Variants in RBM26 observed in about 807,000 individuals in gnomAD.
RBM26 encodes the protein RNA binding motif protein 26.
RBM26 carries 30 observed loss-of-function variants against 123.6 expected under a neutral mutation model. The ratio of observed to expected loss-of-function variants is 0.24; its 90% CI spans 0.18 to 0.33. The LOEUF is 0.33. RBM26 is among the 10% of genes least tolerant of loss of function. The pLI is 1.00. For synonymous variants in RBM26, 400 were observed against 404.4 expected (o/e 0.99, Z 0.13); for missense variants, 947 against 1,203.6 (o/e 0.79, Z 3.15).
intron 20 of RBM26, among the ~76,000 whole-genome samples, chr13:79,324,177 A>T (rs1435117049): frequency 6.6e-6 from 1 of 151,764 alleles, no homozygotes. Context: ...TTCGGAGTTA[A>T]ATCCTACATA....
chr13:79,382,756 C>G (rs552072370), intron 1 of RBM26, among the ~76,000 whole-genome samples: 4 of 152,232 alleles, frequency 2.6e-5, no homozygotes, highest in South Asian at 2.1e-4. Flanking sequence ...AAACAGAAAA[C>G]TGAGAACTAG....
chr13:79,343,304 T>C (rs1317195203), intron 16 of RBM26, among the ~76,000 whole-genome samples: 2 of 151,862 alleles, frequency 1.3e-5, no homozygotes, highest in Non-Finnish European at 3.0e-5. Context: ...TTAATTACTT[T>C]TTCACCTGAG....
rs776345304 is a variant in RBM26 at position 79,367,406 on chromosome 13, C to CAAAAAAAAAAAA, written c.896-546_896-535dup. ...TGGGGTATAGGGGGAGACTCCATCTCAAAAAAAAAAAAAAAAAAAAAAAAA... is the reference window on the plus strand; with the variant it reads ...TGGGGTATAGGGGGAGACTCCATCTCAAAAAAAAAAAAAAAAAAAAAAAAAAAAAAAAAAAAA... On this transcript the variant is annotated intron_variant, in intron 6 of 21. Transcript: ENST00000438737. 7.1e-4 allele frequency among the ~76,000 whole-genome samples: 28 copies of CAAAAAAAAAAAA among 39,656 alleles called. 4 individuals are homozygous for CAAAAAAAAAAAA. Among genetic ancestry groups the CAAAAAAAAAAAA allele is most frequent in the Non-Finnish European group, 1.7e-3 (26 of 15,648 alleles). 26.0% of individuals were successfully genotyped at this position (39,656 alleles called of 152,430 possible). A position where few individuals can be genotyped will look rare whatever the true frequency, so the allele number is the denominator to read the frequency against.
intron 2 of RBM26, among the ~76,000 whole-genome samples, chr13:79,377,889 T>C (rs537555074): frequency 2.6e-4 from 39 of 151,612 alleles, no homozygotes; most frequent in African/African-American, 6.8e-4. Flanking sequence ...GATCACGCCA[T>C]TGCACTCCCG....
chr13:79,400,935 G>A (rs941712609), intron 1 of RBM26, among the ~76,000 whole-genome samples: 2 of 152,200 alleles, frequency 1.3e-5, no homozygotes, highest in African/African-American at 4.8e-5. Flanking sequence ...ACTACTTCAA[G>A]ATTTACCAGC....
At chr13:79,398,654 A>G (rs922340318) in intron 1 of RBM26, among the ~76,000 whole-genome samples, 3 of 152,204 alleles carry the variant, frequency 2.0e-5, no homozygotes, top group Non-Finnish European at 4.4e-5. Context: ...GCAACATTCA[A>G]TAATACTTTA....
At chr13:79,401,504 TG>T (rs994984099) in intron 1 of RBM26, among the ~76,000 whole-genome samples, 23 of 152,064 alleles carry the variant, frequency 1.5e-4, no homozygotes, top group African/African-American at 5.6e-4. Flanking sequence ...ACCTGCAAAA[TG>T]GAGAGATAAC....
intron 2 of RBM26, among the ~76,000 whole-genome samples, chr13:79,377,967 C>T (rs115604187): frequency 2.0e-5 from 3 of 152,028 alleles, no homozygotes; most frequent in African/African-American, 7.2e-5. Context: ...ATCCTAATAT[C>T]AACAGCTTCC....
downstream of RBM26, chr13:79,314,731 A>T (rs2067003579): frequency 4.8e-6 from 1 of 206,758 alleles, no homozygotes; most frequent in East Asian, 1.3e-4. Flanking sequence ...GTGTTTAAAA[A>T]ATAAATGGCT....
At chr13:79,344,411 G>A in intron 15 of RBM26, 89 bp from the exon 16 acceptor site, 1 of 1,041,288 alleles carries the variant, frequency 9.6e-7, no homozygotes, top group Non-Finnish European at 1.5e-6. Flanking sequence ...AACTGCAGAA[G>A]TCTGTCAACA....
chr13:79,366,530 T>G, intron 7 of RBM26, 103 bp downstream of exon 7: 1 of 1,204,942 alleles, frequency 8.3e-7, no homozygotes, highest in Non-Finnish European at 1.1e-6. Context: ...TATCAGGCAT[T>G]TTTGGGATTC....
chr13:79,353,875 C>CAA (rs2073622503), intron 13 of RBM26, among the ~76,000 whole-genome samples: 2 of 151,996 alleles, frequency 1.3e-5, no homozygotes, highest in African/African-American at 4.8e-5. Flanking sequence ...AACTGCCACT[C>CAA]AAGTGTTGAA....
At chr13:79,314,791 A>C (rs1400099801), downstream of RBM26, 1 of 300,454 alleles carries the variant, frequency 3.3e-6, no homozygotes, top group East Asian at 9.2e-5. Flanking sequence ...GCACACATTC[A>C]GATACACTTT....
At chr13:79,380,073 A>G (rs2076962146) in intron 1 of RBM26, among the ~76,000 whole-genome samples, 1 of 152,202 alleles carries the variant, frequency 6.6e-6, no homozygotes, top group South Asian at 2.1e-4. Flanking sequence ...TGGTAGTATC[A>G]AGGTCACAAA....
intron 16 of RBM26, among the ~76,000 whole-genome samples, chr13:79,343,489 A>C (rs2071775168): frequency 6.6e-6 from 1 of 151,942 alleles, no homozygotes; most frequent in African/African-American, 2.4e-5. Flanking sequence ...GAAAAGACAC[A>C]CATTTCAAAT....
Position 79,368,723 on chromosome 13 carries a change from G to T in RBM26, c.895+7C>A. 6.2e-7 allele frequency: 1 copy of T among 1,610,942 alleles called. No homozygotes were observed. Among genetic ancestry groups the T allele is most frequent in the Non-Finnish European group, 8.5e-7 (1 of 1,177,682 alleles). The stretch of plus-strand genomic sequence containing the variant: ...TAAATACTTTATCAAACAGCTGAAA[G>T]ACTTACCATCATAGTCTCTACACCG... On this transcript the variant is annotated splice_region_variant and intron_variant, in intron 6 of 21. Transcript: ENST00000438737.
intron 20 of RBM26, among the ~76,000 whole-genome samples, chr13:79,334,047 G>A (rs1345315774): frequency 6.6e-6 from 1 of 152,124 alleles, no homozygotes; most frequent in Non-Finnish European, 1.5e-5. Context: ...AATGGGTAGT[G>A]GAGTGGCCCT....
At chr13:79,366,270 A>T (rs2075261018) in intron 7 of RBM26, 75 bp from the exon 8 acceptor site, 3 of 1,442,432 alleles carry the variant, frequency 2.1e-6, no homozygotes, top group Non-Finnish European at 2.8e-6. Flanking sequence ...TCCGAACATA[A>T]TCTTCTCATT....
intron 1 of RBM26, among the ~76,000 whole-genome samples, chr13:79,400,572 T>C (rs2078978173): frequency 6.6e-6 from 1 of 152,124 alleles, no homozygotes; most frequent in African/African-American, 2.4e-5. Flanking sequence ...TTAGCAGTAA[T>C]TAATGAAATG....
Sources: allele counts gnomAD v4.1 joint callset (sites outside exome capture counted in the v4.1 genomes callset), GRCh38; gene constraint gnomAD v4.1.1; transcripts MANE v1.5; gene names NCBI Gene and HGNC (gene_info 2026-07-23, HGNC 2026-07-21).